The following SCML4 variants were observed in gnomAD, a reference collection of about 807,000 sequenced individuals.
SCML4 encodes sex comb on midleg-like protein 4.
In SCML4, 34 loss-of-function variants were observed where a neutral mutation model predicts 41.1. That is an observed-to-expected ratio of 0.83 (90% CI 0.63 to 1.10). The LOEUF is 1.10. Among genes scored for constraint, SCML4 ranks in the 50% least tolerant of loss-of-function variants. The pLI, the probability that SCML4 is intolerant of heterozygous loss-of-function variation, is 0.00. For synonymous variants in SCML4, 214 were observed against 220.9 expected (o/e 0.97, Z 0.28); for missense variants, 522 against 534.1 (o/e 0.98, Z 0.22).
intron 2 of SCML4, among the ~76,000 whole-genome samples, chr6:107,769,125 T>C (rs9372168): frequency 0.43 from 65,252 of 152,008 alleles, 16,088 homozygotes; most frequent in East Asian, 0.72. Flanking sequence ...AGTCAGAGTG[T>C]GGCTCTTCAT....
intron 1 of SCML4, among the ~76,000 whole-genome samples, chr6:107,797,922 C>T (rs936764493): frequency 2.0e-5 from 3 of 151,912 alleles, no homozygotes; most frequent in African/African-American, 4.8e-5. Context: ...CAGAATTACA[C>T]TGATGGATTT....
At chr6:107,784,262 T>C (rs1781715320) in intron 1 of SCML4, among the ~76,000 whole-genome samples, 1 of 151,982 alleles carries the variant, frequency 6.6e-6, no homozygotes, top group Admixed American at 6.6e-5. Context: ...TGGCCACACC[T>C]GGAGATACAC....
At chr6:107,783,915 C>T (rs1781688576) in intron 1 of SCML4, among the ~76,000 whole-genome samples, 1 of 152,186 alleles carries the variant, frequency 6.6e-6, no homozygotes, top group Non-Finnish European at 1.5e-5. Flanking sequence ...CAGGCCCAAA[C>T]AGTGCCAAGC....
chr6:107,835,354 C>T, the SCML4 span, among the ~76,000 whole-genome samples: 1 of 151,490 alleles, frequency 6.6e-6, no homozygotes, highest in Non-Finnish European at 1.5e-5. Context: ...GAGCGAGACC[C>T]TGTCTCAAAA....
Position 107,773,316 on chromosome 6 carries a change from G to A in SCML4, c.-59-930C>T, listed in dbSNP as rs575021456. 2.0e-5 allele frequency among the ~76,000 whole-genome samples: 3 copies of A among 152,238 alleles called. No individual in the cohort carries two copies. The East Asian group carries it at 5.8e-4, about 29-fold the overall frequency. On this transcript the variant is annotated intron_variant, in intron 1 of 7. Transcript: ENST00000369020. ...TGAATAATAAGGCCGGGCACACCAG[G>A]CACACTGACTCATGCCTGTAATCCC...
rs548617168 is a variant in SCML4, at chr6:107,751,761, G to A, written c.157-1948C>T. On this transcript the variant is annotated intron_variant, in intron 2 of 7. Coordinates refer to ENST00000369020, the MANE Select transcript of SCML4 (RefSeq NM_198081.5). Reference sequence around the variant, plus strand: ...AATGATTCTCCTGCCTCAGCCTCCCGAGTAGCTGGGATTACAGGTGCCCGC... The same window carrying A: ...AATGATTCTCCTGCCTCAGCCTCCCAAGTAGCTGGGATTACAGGTGCCCGC... Among the ~76,000 whole-genome samples, 11 of 151,828 alleles carry A rather than the reference G, an allele frequency of 7.2e-5. No individual in the cohort carries two copies. The East Asian group carries it at 1.2e-3, about 16-fold the overall frequency.
At chr6:107,715,833 A>T (rs540136747) in intron 6 of SCML4, among the ~76,000 whole-genome samples, 5 of 152,330 alleles carry the variant, frequency 3.3e-5, no homozygotes, top group African/African-American at 1.2e-4. Flanking sequence ...TTGTGGTTTT[A>T]AACCATTTTG....
At chr6:107,778,941 G>T (rs1293603029) in intron 1 of SCML4, among the ~76,000 whole-genome samples, 1 of 152,168 alleles carries the variant, frequency 6.6e-6, no homozygotes, top group Non-Finnish European at 1.5e-5. Flanking sequence ...AGCGCTTTGG[G>T]AGGCCGAGGC....
chr6:107,758,434 T>C (rs1029028829), intron 2 of SCML4, among the ~76,000 whole-genome samples: 3 of 152,222 alleles, frequency 2.0e-5, no homozygotes, highest in Admixed American at 2.0e-4. Context: ...TTTTCTAACT[T>C]AGCGTTATGC....
chr6:107,786,269 T>C (rs1246565273), intron 1 of SCML4, among the ~76,000 whole-genome samples: 1 of 152,182 alleles, frequency 6.6e-6, no homozygotes, highest in Non-Finnish European at 1.5e-5. Context: ...GAGGCATTAC[T>C]TGTTCTTTGC....
At chr6:107,839,130 C>A in the SCML4 span, among the ~76,000 whole-genome samples, 1 of 151,618 alleles carries the variant, frequency 6.6e-6, no homozygotes, top group Non-Finnish European at 1.5e-5. Flanking sequence ...TGAAACCCTA[C>A]AAAAATACAA....
intron 2 of SCML4, chr6:107,755,638 A>AT (rs767871157): frequency 3.8e-6 from 5 of 1,329,744 alleles, no homozygotes; most frequent in African/African-American, 1.6e-5. Flanking sequence ...CTGGCAGGGC[A>AT]TTTGTCTTTG....
intron 5 of SCML4, among the ~76,000 whole-genome samples, chr6:107,721,445 A>G (rs1775402909): frequency 6.6e-6 from 1 of 151,990 alleles, no homozygotes; most frequent in Non-Finnish European, 1.5e-5. Context: ...GGCACCTGTA[A>G]TCCCAGCTAC....
chr6:107,790,588 GA>G (rs1562261818), intron 1 of SCML4, among the ~76,000 whole-genome samples: 1 of 152,124 alleles, frequency 6.6e-6, no homozygotes, highest in Non-Finnish European at 1.5e-5. Flanking sequence ...TTTACCTTTT[GA>G]AAATCCATAT....
At chr6:107,778,513 T>G (rs1781218798) in intron 1 of SCML4, among the ~76,000 whole-genome samples, 2 of 151,958 alleles carry the variant, frequency 1.3e-5, no homozygotes, top group Admixed American at 6.6e-5. Flanking sequence ...TTAAATCAAG[T>G]GATTTTCCGC....
intron 6 of SCML4, among the ~76,000 whole-genome samples, chr6:107,717,894 T>C (rs1241032702): frequency 6.6e-6 from 1 of 152,146 alleles, no homozygotes. Flanking sequence ...GGATTCAGGG[T>C]TCAGGTATTG....
In SCML4 at chr6:107,759,510, A is replaced by G. The variant is rs73762064; in HGVS notation, c.157-9697T>C. Among the ~76,000 whole-genome samples, 890 of 152,288 alleles carry G rather than the reference A, an allele frequency of 5.8e-3. 7 individuals are homozygous for G. Among genetic ancestry groups the G allele is most frequent in the African/African-American group, 0.021 (864 of 41,566 alleles). On this transcript the variant is annotated intron_variant, in intron 2 of 7. Transcript: ENST00000369020. ...TAGGGAGGTGGAAAGAATTGATTGGATTCAGGGTGTACTTTGAGATGGAAC... is the reference window on the plus strand; with the variant it reads ...TAGGGAGGTGGAAAGAATTGATTGGGTTCAGGGTGTACTTTGAGATGGAAC...
intron 6 of SCML4, among the ~76,000 whole-genome samples, chr6:107,718,045 G>C (rs1465149107): frequency 6.6e-6 from 1 of 152,162 alleles, no homozygotes; most frequent in East Asian, 1.9e-4. Context: ...CTTTCTCAGA[G>C]CTGGAGGCTG....
At chr6:107,812,218 T>C (rs1399339882) in intron 1 of SCML4, among the ~76,000 whole-genome samples, 4 of 152,184 alleles carry the variant, frequency 2.6e-5, no homozygotes. Context: ...AGGGACAGTC[T>C]CTAAAAGGTG....
Sources: gnomAD v4.1 joint callset for allele counts (sites outside exome capture counted in the v4.1 genomes callset) on GRCh38, gnomAD v4.1.1 for gene constraint, MANE v1.5 for transcripts, NCBI Gene and HGNC (gene_info 2026-07-23, HGNC 2026-07-21) for gene names.